Variants in PLOD1 observed in about 807,000 individuals in gnomAD.
PLOD1 encodes the protein lysine hydroxylase.
A neutral mutation model predicts 94.7 loss-of-function variants in PLOD1; 70 were observed. The observed-to-expected ratio is 0.74, with a 90% confidence interval of 0.61 to 0.90. The LOEUF (loss-of-function observed/expected upper bound fraction) is 0.90, where lower values mean the gene tolerates loss of function less well. Among genes scored for constraint, PLOD1 ranks in the 40% least tolerant of loss-of-function variants. PLOD1 has a pLI of 0.00. For missense variants in PLOD1, 905 were observed against 972.7 expected, an observed-to-expected ratio of 0.93 and a Z score of 0.93; for synonymous variants, 417 against 400.2, an observed-to-expected ratio of 1.04 and a Z score of -0.50.
chr1:11,966,186 G>C, intron 14 of PLOD1, 65 bp from the exon 15 acceptor site: 1 of 1,221,020 alleles, frequency 8.2e-7, no homozygotes, highest in Non-Finnish European at 1.2e-6. Flanking sequence ...TGAGGGGTCT[G>C]CTCTGAGCAT....
intron 4 of PLOD1, among the ~76,000 whole-genome samples, chr1:11,952,081 C>T (rs975461726): frequency 1.3e-5 from 2 of 152,212 alleles, no homozygotes; most frequent in African/African-American, 4.8e-5. Flanking sequence ...AAGCACAGTC[C>T]AGATGGCCTT....
intron 4 of PLOD1, 31 bp from the exon 5 acceptor site, chr1:11,952,592 C>G (rs1460423965): frequency 6.6e-7 from 1 of 1,514,908 alleles, no homozygotes; most frequent in Non-Finnish European, 9.2e-7. Context: ...GCTAAGGGTC[C>G]GTCTTGGTGT....
At chr1:11,944,664 T>A (rs1243909817) in intron 1 of PLOD1, 1 of 1,347,792 alleles carries the variant, frequency 7.4e-7, no homozygotes. Flanking sequence ...CAGGTTCAGG[T>A]AGTGAGGCCT....
Position 11,957,904 on chromosome 1 carries a change from C to T in PLOD1, c.804C>T (p.Thr268=), listed in dbSNP as rs140758113. Residue 268 remains threonine (T), a synonymous_variant, in exon 8 of 19, where the codon ACC becomes ACT. Transcript: ENST00000196061. This position sits in a 1 kb window ranked among gnomAD's most constrained non-coding sequence, Gnocchi z 4.1. The stretch of plus-strand genomic sequence containing the variant: ...TCTGGACCTTCGAAACAGGCTGCAC[C>T]GTGTGTGACGAAGGCTTGCGCAGCC... ...PRFWTFETGC[T]VCDEGLRSLK... 8.8e-4 allele frequency: 1,421 copies of T among 1,613,984 alleles called. No homozygotes were observed. Among genetic ancestry groups the T allele is most frequent in the Non-Finnish European group, 1.1e-3 (1,316 of 1,179,876 alleles).
At chr1:11,935,771 C>T (rs1383368400) in intron 1 of PLOD1, among the ~76,000 whole-genome samples, 4 of 152,058 alleles carry the variant, frequency 2.6e-5, no homozygotes, top group African/African-American at 7.2e-5. Flanking sequence ...ATTACAGGCA[C>T]GTGCCACCAT....
At chr1:11,934,926 G>A in intron 1 of PLOD1, 71 bp downstream of exon 1, 1 of 1,496,700 alleles carries the variant, frequency 6.7e-7, no homozygotes, top group Non-Finnish European at 8.9e-7. Flanking sequence ...TGCCTCCCTG[G>A]GAACGACCTG....
chr1:11,974,921 T>G lies in PLOD1; in HGVS notation c.*113T>G. 1 of 991,104 alleles carries G rather than the reference T, an allele frequency of 1.0e-6. No individual in the cohort carries two copies. The highest frequency in any genetic ancestry group is 1.6e-6 in the Non-Finnish European group (1 of 613,108). 61.4% of individuals were successfully genotyped at this position (991,104 alleles called of 1,614,324 possible). A position where few individuals can be genotyped will look rare whatever the true frequency, so the allele number is the denominator to read the frequency against. The stretch of plus-strand genomic sequence containing the variant: ...CAGTCCAGCCTCCTGGCTGTTGACT[T>G]CCCATTGCTCTTGGAGCCACCAATC... On this transcript the variant is annotated 3_prime_UTR_variant, in exon 19 of 19. Coordinates refer to ENST00000196061, the MANE Select transcript of PLOD1 (RefSeq NM_000302.4).
At chr1:11,973,640 C>T (rs551120534) in intron 18 of PLOD1, among the ~76,000 whole-genome samples, 3 of 151,146 alleles carry the variant, frequency 2.0e-5, no homozygotes, top group African/African-American at 7.3e-5. Flanking sequence ...AGTGTAGTGG[C>T]ATGATCACAG....
Position 11,965,603 on chromosome 1 carries a change from G to A in PLOD1, c.1584+10G>A, listed in dbSNP as rs756917169. 44 of 1,553,606 alleles carry A rather than the reference G, an allele frequency of 2.8e-5. No individual in the cohort carries two copies. Among genetic ancestry groups the A allele is most frequent in the Non-Finnish European group, 3.8e-5 (43 of 1,125,356 alleles). On this transcript the variant is annotated intron_variant, in intron 14 of 18. Transcript: ENST00000196061. ...GTTCAGCAACCCCGAGGTGAGGCCA[G>A]GGTGGGCACATAGGGGCTGGGAGCA... is the stretch of plus-strand genomic sequence containing the variant.
rs1240117570 is a variant in PLOD1, at chr1:11,972,926, C to T, written c.1957C>T (p.Leu653=). ...VRYKPDEQPS[L]MPHHDASTFT... ...CTACAAGCCTGATGAGCAGCCCTCA[C>T]TGATGCCACACCATGATGCCTCCAC... Residue 653 remains leucine (L), a synonymous_variant, in exon 18 of 19, where the codon CTG becomes TTG. Transcript: ENST00000196061. This position sits in a 1 kb window ranked among gnomAD's most constrained non-coding sequence, Gnocchi z 4.6. 22 of 1,614,140 alleles carry T rather than the reference C, an allele frequency of 1.4e-5. No homozygotes were observed. The highest frequency in any genetic ancestry group is 1.7e-5 in the Non-Finnish European group (20 of 1,180,002).
At chr1:11,969,321 T>A (rs562177616) in intron 16 of PLOD1, among the ~76,000 whole-genome samples, 2 of 152,154 alleles carry the variant, frequency 1.3e-5, no homozygotes, top group Non-Finnish European at 2.9e-5. Context: ...GAAATGTGTG[T>A]TCCCAAGTTT....
intron 6 of PLOD1, among the ~76,000 whole-genome samples, chr1:11,955,170 T>C (rs1308176213): frequency 1.3e-5 from 2 of 152,190 alleles, no homozygotes; most frequent in East Asian, 3.9e-4. Flanking sequence ...TACCAGGTCC[T>C]TACAGGTGGG....
rs776976856 is a variant in PLOD1 at position 11,964,265 on chromosome 1, C to T, written c.1293C>T (p.Ser431=). 23 of 1,441,510 alleles carry T rather than the reference C, an allele frequency of 1.6e-5. No homozygotes were observed. The South Asian group carries it at 1.7e-4, about 11-fold the overall frequency. 89.3% of individuals were successfully genotyped at this position (1,441,510 alleles called of 1,614,324 possible). ...ALSADGYYAR[S]EDYVDIVQGR... is the part of the protein sequence containing the mutation. Reference sequence around the variant, plus strand: ...GTGCAGATGGCTACTATGCCCGTTCCGAGGACTACGTGGACATTGTGCAGG... The same window carrying T: ...GTGCAGATGGCTACTATGCCCGTTCTGAGGACTACGTGGACATTGTGCAGG... The change falls in exon 12 of 19, where the codon TCC becomes TCT. Residue 431 remains serine (S), a synonymous_variant. Transcript: ENST00000196061.
Position 11,972,631 on chromosome 1 carries a change from C to T in PLOD1, c.1903-241C>T. The T allele has an allele frequency of 2.4e-6, 1 of 424,082 alleles. No homozygotes were observed. The highest frequency in any genetic ancestry group is 4.4e-6 in the Non-Finnish European group (1 of 227,664). The allele number at this position is 424,082 out of a possible 1,614,324, so 26.3% of individuals were successfully genotyped here. ...CCTTCCTCCCTCCCTCCCTTCCTTT[C>T]TTCCTTCCCCTCTGTTCTCTTCCTT... On this transcript the variant is annotated intron_variant, in intron 17 of 18. Transcript: ENST00000196061. This position sits in a 1 kb window ranked among gnomAD's most constrained non-coding sequence, Gnocchi z 4.6.
intron 5 of PLOD1, chr1:11,954,486 C>CA (rs915288980): frequency 4.0e-5 from 22 of 550,264 alleles, no homozygotes; most frequent in East Asian, 3.9e-4. Context: ...AACTCTTTCT[C>CA]AAAAAAAAGA....
chr1:11,952,575 G>A (rs1253887896), intron 4 of PLOD1, 48 bp from the exon 5 acceptor site: 1 of 1,378,046 alleles, frequency 7.3e-7, no homozygotes, highest in African/African-American at 1.4e-5. Context: ...TGACTTAGAG[G>A]CTGGAAGCTA....
rs369617619 is a variant in PLOD1 at position 11,957,659 on chromosome 1, C to A, written c.742-183C>A. On this transcript the variant is annotated intron_variant, in intron 7 of 18. Coordinates refer to ENST00000196061, the MANE Select transcript of PLOD1 (RefSeq NM_000302.4). The surrounding 1 kb of genome is among the most constrained non-coding windows in gnomAD (Gnocchi z 4.1). ...GAGAAGCACTAGAGTGCCAAGCCCT[C>A]CCCTGCCCTCTCTCAGAGCGGCTTG... Among the ~76,000 whole-genome samples, 67 of 152,344 alleles carry A rather than the reference C, an allele frequency of 4.4e-4. 1 individual carries two copies. In the East Asian group the frequency reaches 0.01, roughly 24 times the overall value.
At chr1:11,944,642 G>A (rs568319180) in intron 1 of PLOD1, 17 of 1,359,952 alleles carry the variant, frequency 1.3e-5, no homozygotes, top group African/African-American at 4.4e-5. Context: ...AGCATCCCTC[G>A]TTTCTGGATC....
chr1:11,970,842 G>A, intron 17 of PLOD1, 26 bp downstream of exon 17: 1 of 1,440,142 alleles, frequency 6.9e-7, no homozygotes. Flanking sequence ...GCATAGCCAG[G>A]ATGCGGGGAC....
Sources: gnomAD v4.1 joint callset for allele counts (sites outside exome capture counted in the v4.1 genomes callset) on GRCh38, gnomAD v4.1.1 for gene constraint, Gnocchi (gnomAD v3.1) non-coding constraint, MANE v1.5 for transcripts, NCBI Gene and HGNC (gene_info 2026-07-23, HGNC 2026-07-21) for gene names.